The following POM121 variants were observed in gnomAD, a reference collection of about 807,000 sequenced individuals.
POM121 encodes the protein POM121 transmembrane nucleoporin, also known as nuclear envelope pore membrane protein POM 121.
POM121 carries 32 observed loss-of-function variants against 81.3 expected under a neutral mutation model. That is an observed-to-expected ratio of 0.39 (90% CI 0.30 to 0.53). The LOEUF (loss-of-function observed/expected upper bound fraction) is 0.53, where lower values mean the gene tolerates loss of function less well. Ranked by LOEUF, POM121 falls within the 20% of genes least tolerant of loss-of-function variation. POM121 has a pLI of 0.66. For missense variants in POM121, 1,138 were observed against 1,614.6 expected (o/e 0.70, Z 5.06); for synonymous variants, 514 against 694.2 (o/e 0.74, Z 4.08).
chr7:72,917,645 T>C (rs1794407783), intron 4 of POM121, among the ~76,000 whole-genome samples: 1 of 152,326 alleles, frequency 6.6e-6, no homozygotes, highest in East Asian at 1.9e-4. Context: ...CTCACAGTTC[T>C]AGAGGCCAGA....
In POM121 at chr7:72,925,710, G is replaced by T. The variant is rs782725251; in HGVS notation, c.589G>T (p.Val197Phe). 2.9e-6 allele frequency: 3 copies of T among 1,038,796 alleles called. No homozygotes were observed. The highest frequency in any genetic ancestry group is 2.4e-4 in the East Asian group (2 of 8,500). The allele number at this position is 1,038,796 out of a possible 1,614,324, so 64.3% of individuals were successfully genotyped here. ...CCCGCCGACCCATCGCGCTCACCACGTTTACCCCTCTCTGCCCACTCCTCT... is the reference window on the plus strand; with the variant it reads ...CCCGCCGACCCATCGCGCTCACCACTTTTACCCCTCTCTGCCCACTCCTCT... ...PSPPTHRAHH[V>F]YPSLPTPLLR... The change falls in exon 1 of 13, where the codon GTT (valine) becomes TTT (phenylalanine). Residue 197 changes from valine (V) to phenylalanine (F), a missense_variant. Coordinates refer to ENST00000434423, the MANE Select transcript of POM121 (RefSeq NM_001387691.1).
Position 72,930,118 on chromosome 7 carries a change from G to T in POM121, c.1275+7G>T, listed in dbSNP as rs782653614. 6.3e-7 allele frequency: 1 copy of T among 1,597,160 alleles called. No individual in the cohort carries two copies. Among genetic ancestry groups the T allele is most frequent in the Non-Finnish European group, 8.6e-7 (1 of 1,168,210 alleles). ...CACTCGAGGCATCTCACAGGTACAA[G>T]TACAGCTCTTTTAATGTGGGGGACA... On this transcript the variant is annotated splice_region_variant and intron_variant, in intron 5 of 12. Transcript: ENST00000434423.
intron 3 of POM121, among the ~76,000 whole-genome samples, chr7:72,894,280 ATAAAT>A (rs1586078157): frequency 6.7e-6 from 1 of 149,948 alleles, no homozygotes; most frequent in East Asian, 2.0e-4. Context: ...AAAGAAATAA[ATAAAT>A]AAAGACTCTA....
At chr7:72,883,542 G>A (rs1315922594) in intron 1 of POM121, among the ~76,000 whole-genome samples, 3 of 152,100 alleles carry the variant, frequency 2.0e-5, no homozygotes, top group Non-Finnish European at 4.4e-5. Context: ...TCTTTTAATA[G>A]TTCCCATAGT....
chr7:72,945,773 G>T lies in POM121; in HGVS notation c.3652+65G>T, dbSNP rs528426751. The T allele has an allele frequency of 4.2e-5, 66 of 1,553,370 alleles. No individual in the cohort carries two copies. In the South Asian group the frequency reaches 7.3e-4, roughly 17 times the overall value. ...GAGGAGGGGTTGGGCGGGGTGGCAG[G>T]TTCCTGGTCCTCTGAGGCCCGGTGA... On this transcript the variant is annotated intron_variant, in intron 12 of 12. Transcript: ENST00000434423.
chr7:72,949,961 C>T (rs1211168084), downstream of POM121: 1 of 1,611,296 alleles, frequency 6.2e-7, no homozygotes, highest in Non-Finnish European at 8.5e-7. Flanking sequence ...AGACAGCTGG[C>T]CTGGCAGGCA....
In POM121 at chr7:72,938,623, T is replaced by G. The variant is rs782689239; in HGVS notation, c.1309T>G (p.Phe437Val). ...WKRNGPSSSPFSSPASSRSQT... is the reference protein window; with the variant it reads ...WKRNGPSSSPVSSPASSRSQT... ...GAGAAATGGCCCCAGTTCATCACCC[T>G]TCTCTAGCCCAGCCTCCTCCCGCTC... is the stretch of plus-strand genomic sequence containing the variant. The change falls in exon 6 of 13, where the codon TTC becomes GTC. Residue 437 changes from phenylalanine to valine, a missense_variant. By Grantham distance (50) the Phe-to-Val change is conservative. This residue lies in a region of POM121 where 646 missense variants were observed against 633.5 expected (regional missense o/e 1.02). Transcript: ENST00000434423. 5 of 1,613,922 alleles carry G rather than the reference T, an allele frequency of 3.1e-6. No homozygotes were observed. The South Asian group carries it at 5.5e-5, about 18-fold the overall frequency.
At chr7:72,923,495 T>C (rs1466390813), upstream of POM121, among the ~76,000 whole-genome samples, 4 of 151,198 alleles carry the variant, frequency 2.6e-5, no homozygotes, top group Admixed American at 1.3e-4. Context: ...CGATCTCGGC[T>C]CACTGCAACC....
Position 72,946,208 on chromosome 7 carries a change from C to T in POM121, c.3724C>T (p.Arg1242Ter), listed in dbSNP as rs782036971. 4 of 1,611,622 alleles carry T rather than the reference C, an allele frequency of 2.5e-6. No homozygotes were observed. Among genetic ancestry groups the T allele is most frequent in the South Asian group, 1.1e-5 (1 of 90,982 alleles). Residue 1242 changes from arginine to a stop codon, truncating the protein, a stop_gained, in exon 13 of 13, where the codon CGA (arginine) becomes TGA (stop). Coordinates refer to ENST00000434423, the MANE Select transcript of POM121 (RefSeq NM_001387691.1). LOFTEE classifies it high-confidence loss of function. Reference sequence around the variant, plus strand: ...AGGGGCTCGACAGCGACTGCAGGCCCGAAGGCAGCACACCCGCAAAAAGTA... The same window carrying T: ...AGGGGCTCGACAGCGACTGCAGGCCTGAAGGCAGCACACCCGCAAAAAGTA... ...TPGARQRLQA[R>*]RQHTRKK
chr7:72,891,130 A>G (rs1419552123), intron 3 of POM121: 15 of 860,626 alleles, frequency 1.7e-5, no homozygotes, highest in South Asian at 3.1e-5. Flanking sequence ...TAGAGTATCA[A>G]ATGTTAAAAA....
intron 1 of POM121, among the ~76,000 whole-genome samples, chr7:72,889,897 C>G (rs1791132496): frequency 6.6e-6 from 1 of 152,034 alleles, no homozygotes; most frequent in Non-Finnish European, 1.5e-5. Flanking sequence ...TCCCCTTCAT[C>G]CCATAGAATA....
At chr7:72,945,187 G>A (rs545787282) in intron 11 of POM121, among the ~76,000 whole-genome samples, 15 of 151,990 alleles carry the variant, frequency 9.9e-5, no homozygotes, top group Admixed American at 2.0e-4. Context: ...CACAAAAGAC[G>A]CGGGACGGAC....
At position 72,925,351 on chromosome 7, in the gene POM121, G is replaced by A; in HGVS notation, c.230G>A (p.Arg77His). The change falls in exon 1 of 13, where the codon CGC becomes CAC. Residue 77 changes from arginine (R) to histidine (H), a missense_variant. Transcript: ENST00000434423. The part of the protein sequence containing the change: ...WGLSREPRGS[R>H]PLSSFVRKAR... ...CTGAGCCGCGAGCCCCGAGGTTCGCGCCCCTTGTCCTCCTTCGTTCGGAAG... is the reference window on the plus strand; with the variant it reads ...CTGAGCCGCGAGCCCCGAGGTTCGCACCCCTTGTCCTCCTTCGTTCGGAAG... The A allele has an allele frequency of 6.6e-7, 1 of 1,523,084 alleles. No individual in the cohort carries two copies. The highest frequency in any genetic ancestry group is 8.8e-7 in the Non-Finnish European group (1 of 1,137,074). 94.3% of individuals were successfully genotyped at this position (1,523,084 alleles called of 1,614,324 possible).
At chr7:72,880,506 C>G (rs1401443022) in intron 1 of POM121, among the ~76,000 whole-genome samples, 1 of 152,002 alleles carries the variant, frequency 6.6e-6, no homozygotes, top group African/African-American at 2.4e-5. Context: ...AGAAACAAAA[C>G]CATATTTTAT....
intron 3 of POM121, among the ~76,000 whole-genome samples, chr7:72,898,016 C>T (rs1563137549): frequency 6.6e-6 from 1 of 151,976 alleles, no homozygotes; most frequent in Non-Finnish European, 1.5e-5. Context: ...AAGACCCTGT[C>T]TAGGAAAAAA....
chr7:72,943,890 A>G (rs1185725177), intron 11 of POM121, among the ~76,000 whole-genome samples: 1 of 152,254 alleles, frequency 6.6e-6, no homozygotes, highest in Non-Finnish European at 1.5e-5. Flanking sequence ...ATACCAAAAA[A>G]TTAGCCGGGC....
chr7:72,937,289 C>T (rs1487265943), intron 5 of POM121, among the ~76,000 whole-genome samples: 3 of 152,124 alleles, frequency 2.0e-5, no homozygotes, highest in African/African-American at 7.2e-5. Flanking sequence ...ACTGAGCCGT[C>T]CTTTGAGAAC....
intron 4 of POM121, among the ~76,000 whole-genome samples, chr7:72,918,444 G>GT (rs1324931743): frequency 9.2e-5 from 14 of 152,252 alleles, no homozygotes; most frequent in Admixed American, 5.9e-4. Flanking sequence ...ACTTCTCACT[G>GT]TGTCTCCTCA....
chr7:72,930,366 C>T (rs542071049), intron 5 of POM121, among the ~76,000 whole-genome samples: 2 of 152,336 alleles, frequency 1.3e-5, no homozygotes, highest in Admixed American at 1.3e-4. Flanking sequence ...TTCTATCTGT[C>T]AGACATTAGA....
Sources: allele counts gnomAD v4.1 joint callset (sites outside exome capture counted in the v4.1 genomes callset), GRCh38; gene constraint gnomAD v4.1.1; regional missense constraint gnomAD v4.1.1; transcripts MANE v1.5; gene names NCBI Gene and HGNC (gene_info 2026-07-23, HGNC 2026-07-21).